PCDHA11: variants seen among roughly 807,000 people sequenced by gnomAD.
PCDHA11 encodes protocadherin alpha-11.
In PCDHA11, 61 loss-of-function variants were observed where a neutral mutation model predicts 70.3. The observed-to-expected ratio is 0.87, with a 90% CI of 0.71 to 1.07. PCDHA11 has a LOEUF of 1.07. Ranked by LOEUF, PCDHA11 falls within the 50% of genes least tolerant of loss-of-function variation. The pLI, the probability that PCDHA11 is intolerant of heterozygous loss-of-function variation, is 0.00. For synonymous variants in PCDHA11, 633 were observed against 555.1 expected (o/e 1.14, Z -1.97); for missense variants, 1,324 against 1,237.5 (o/e 1.07, Z -1.05).
At chr5:140,937,718 C>T (rs538350541) in intron 1 of PCDHA11, among the ~76,000 whole-genome samples, 1 of 152,076 alleles carries the variant, frequency 6.6e-6, no homozygotes, top group South Asian at 2.1e-4. Context: ...CAAGACCATC[C>T]TGGCTAACAC....
At chr5:140,941,987 G>A (rs1315027422) in intron 1 of PCDHA11, among the ~76,000 whole-genome samples, 1 of 152,104 alleles carries the variant, frequency 6.6e-6, no homozygotes, top group Non-Finnish European at 1.5e-5. Flanking sequence ...ACCTTGATAA[G>A]GGATTCATAT....
At chr5:140,877,041 A>C (rs782570873) in intron 1 of PCDHA11, 1 of 1,612,586 alleles carries the variant, frequency 6.2e-7, no homozygotes, top group Non-Finnish European at 8.5e-7. Context: ...TGCAGCCGCT[A>C]GACCACGAGG....
In PCDHA11 at chr5:140,870,915, G is replaced by A. The variant is rs1554164824; in HGVS notation, c.1812G>A (p.Ala604=). 4 of 1,613,830 alleles carry A rather than the reference G, an allele frequency of 2.5e-6. No homozygotes were observed. Among genetic ancestry groups the A allele is most frequent in the Non-Finnish European group, 3.4e-6 (4 of 1,179,918 alleles). Residue 604 remains alanine, a synonymous_variant, in exon 1 of 4, where the codon GCG becomes GCA. Coordinates refer to ENST00000398640, the MANE Select transcript of PCDHA11 (RefSeq NM_018902.5). ...RAVDADSGYN[A]WLSYELQPAA... ...TGGATGCGGACTCAGGCTACAACGCGTGGCTTTCATATGAATTGCAGCCGG... is the reference window on the plus strand; with the variant it reads ...TGGATGCGGACTCAGGCTACAACGCATGGCTTTCATATGAATTGCAGCCGG...
chr5:140,942,619 TA>T (rs35075175), intron 1 of PCDHA11, among the ~76,000 whole-genome samples: 84,954 of 148,808 alleles, frequency 0.57, 24,471 homozygotes, highest in African/African-American at 0.7. Context: ...TTGCCAATTG[TA>T]AAAAAAAAAA....
In PCDHA11 at chr5:140,883,821, A is replaced by T; in HGVS notation, c.2391+12327A>T. ...GTGCACGCGGAGAGCGGCAAGGTGT[A>T]CGCGCTGCAGCCGTTGGACCACGAG... On this transcript the variant is annotated intron_variant, in intron 1 of 3. Transcript: ENST00000398640. 6.2e-7 allele frequency: 1 copy of T among 1,612,450 alleles called. No individual in the cohort carries two copies. The highest frequency in any genetic ancestry group is 8.5e-7 in the Non-Finnish European group (1 of 1,179,756).
At chr5:140,906,736 A>G (rs1554192686) in intron 1 of PCDHA11, among the ~76,000 whole-genome samples, 1 of 152,132 alleles carries the variant, frequency 6.6e-6, no homozygotes, top group Admixed American at 6.5e-5. Context: ...GTAGTTTCCC[A>G]TTGACACAGG....
At chr5:140,958,510 G>A (rs1476919397) in intron 1 of PCDHA11, among the ~76,000 whole-genome samples, 1 of 152,114 alleles carries the variant, frequency 6.6e-6, no homozygotes, top group Non-Finnish European at 1.5e-5. Flanking sequence ...AGGCATGGCT[G>A]TCCAATATAT....
At position 140,869,199 on chromosome 5, in the gene PCDHA11, C is replaced by G. The variant is rs1315511579; in HGVS notation, c.96C>G (p.His32Gln). 8 of 1,613,906 alleles carry G rather than the reference C, an allele frequency of 5.0e-6. No individual in the cohort carries two copies. In the African/African-American group the frequency reaches 1.1e-4, roughly 22 times the overall value. The change falls in exon 1 of 4, where the codon CAC becomes CAG. Residue 32 changes from histidine to glutamine, a missense_variant. Coordinates refer to ENST00000398640, the MANE Select transcript of PCDHA11 (RefSeq NM_018902.5). ...EFWEVGSGQL[H>Q]YSVSEEAKHG... The stretch of plus-strand genomic sequence containing the variant: ...GGGAGGTGGGGAGCGGCCAGCTCCA[C>G]TACTCCGTCTCGGAGGAGGCCAAAC...
At chr5:140,933,848 C>T (rs1176922942) in intron 1 of PCDHA11, among the ~76,000 whole-genome samples, 6 of 151,862 alleles carry the variant, frequency 4.0e-5, no homozygotes, top group African/African-American at 1.5e-4. Context: ...ATTCCTGTAC[C>T]TTTAATTTTT....
chr5:141,010,408 A>G lies in PCDHA11; in HGVS notation c.*471A>G. 1 of 1,251,364 alleles carries G rather than the reference A, an allele frequency of 8.0e-7. No homozygotes were observed. Among genetic ancestry groups the G allele is most frequent in the Non-Finnish European group, 1.1e-6 (1 of 926,828 alleles). 77.5% of individuals were successfully genotyped at this position (1,251,364 alleles called of 1,614,324 possible). ...GGCTGAGACGAGCCAGCTTAGACTA[A>G]TTGGTACAAGGAAGGCAAGAAAACA... On this transcript the variant is annotated 3_prime_UTR_variant, in exon 4 of 4. Transcript: ENST00000398640.
intron 2 of PCDHA11, 141 bp downstream of exon 2, chr5:140,979,148 C>G: frequency 6.9e-7 from 1 of 1,441,158 alleles, no homozygotes; most frequent in South Asian, 1.5e-5. Context: ...TTATTTTGTC[C>G]CCATGTTTAT....
In PCDHA11 at chr5:141,010,204, C is replaced by G. The variant is rs1238256859; in HGVS notation, c.*267C>G. ...GACCCAAGTTTCCTTTCTCCTCCGC[C>G]GCAAAGGAGAGGCTTCCCAGCCCCG... On this transcript the variant is annotated 3_prime_UTR_variant, in exon 4 of 4. Transcript: ENST00000398640. 1.3e-5 allele frequency: 20 copies of G among 1,551,852 alleles called. No homozygotes were observed. Among genetic ancestry groups the G allele is most frequent in the Non-Finnish European group, 1.7e-5 (20 of 1,147,056 alleles).
chr5:140,968,923 T>G lies in PCDHA11; in HGVS notation c.2392-10026T>G, dbSNP rs140504777. The G allele has an allele frequency of 2.9e-3, 4,668 of 1,614,212 alleles. 4 individuals are homozygous for G. Among genetic ancestry groups the G allele is most frequent in the Non-Finnish European group, 3.3e-3 (3,916 of 1,180,046 alleles). ...CATTAAGCACAGTGTCTTTTATATT[T>G]CTTTTGACAATCATCATTTTGAGCA... On this transcript the variant is annotated intron_variant, in intron 1 of 3. Coordinates refer to ENST00000398640, the MANE Select transcript of PCDHA11 (RefSeq NM_018902.5).
chr5:140,943,321 G>A (rs1012061757), intron 1 of PCDHA11, among the ~76,000 whole-genome samples: 4 of 150,454 alleles, frequency 2.7e-5, no homozygotes, highest in Non-Finnish European at 5.9e-5. Context: ...TAGCAATATT[G>A]TGTAGTATCC....
chr5:140,991,719 A>T (rs1451245400), intron 3 of PCDHA11, among the ~76,000 whole-genome samples: 1 of 152,194 alleles, frequency 6.6e-6, no homozygotes, highest in African/African-American at 2.4e-5. Flanking sequence ...TGCTACTAGC[A>T]GCCTGTTCAA....
At chr5:140,967,236 T>C (rs142898054) in intron 1 of PCDHA11, 53 of 1,613,562 alleles carry the variant, frequency 3.3e-5, no homozygotes, top group Non-Finnish European at 4.2e-5. Context: ...CAGCTTCAGG[T>C]AAGCGAATCG....
intron 1 of PCDHA11, among the ~76,000 whole-genome samples, chr5:140,950,273 T>G (rs1218178621): frequency 6.6e-5 from 10 of 152,008 alleles, no homozygotes; most frequent in African/African-American, 1.9e-4. Flanking sequence ...CCATAATGTC[T>G]TTTTGCTTCA....
chr5:140,877,173 G>A (rs1292615979), intron 1 of PCDHA11: 3 of 1,613,710 alleles, frequency 1.9e-6, no homozygotes, highest in Non-Finnish European at 2.5e-6. Flanking sequence ...CACTGCTGGC[G>A]ACTCCGGCTG....
intron 1 of PCDHA11, among the ~76,000 whole-genome samples, chr5:140,872,029 A>C (rs782304127): frequency 7.9e-5 from 12 of 152,224 alleles, no homozygotes; most frequent in Admixed American, 2.6e-4. Context: ...GGAACTGCTA[A>C]GCTCAAAGAA....
Sources: gnomAD v4.1 joint callset for allele counts (sites outside exome capture counted in the v4.1 genomes callset) on GRCh38, gnomAD v4.1.1 for gene constraint, MANE v1.5 for transcripts, NCBI Gene and HGNC (gene_info 2026-07-23, HGNC 2026-07-21) for gene names.